TRDN: variants seen among roughly 807,000 people sequenced by gnomAD.
The protein encoded by TRDN is triadin in skeletal muscle.
In TRDN, 161 loss-of-function variants were observed where a neutral mutation model predicts 149.7. The observed-to-expected ratio is 1.08, with a 90% CI of 0.95 to 1.23. TRDN has a LOEUF of 1.23. Ranked by LOEUF, TRDN falls within the 50% of genes most tolerant of loss-of-function variation. The pLI, the probability that TRDN is intolerant of heterozygous loss-of-function variation, is 0.00. For missense variants in TRDN, 896 were observed against 823.5 expected, an observed-to-expected ratio of 1.09 and a Z score of -1.08; for synonymous variants, 294 against 250.5, an observed-to-expected ratio of 1.17 and a Z score of -1.64.
At chr6:123,550,819 G>C (rs1298958549) in intron 2 of TRDN, among the ~76,000 whole-genome samples, 5 of 151,978 alleles carry the variant, frequency 3.3e-5, no homozygotes, top group South Asian at 4.1e-4. Flanking sequence ...ATGATTCATT[G>C]ATAATGTACT....
rs57976353 is a variant in TRDN, at chr6:123,435,542, AACAC to A, written c.1051+2517_1051+2520del. Among the ~76,000 whole-genome samples, 228 of 150,072 alleles carry A rather than the reference AACAC, an allele frequency of 1.5e-3. 1 individual carries two copies. Among genetic ancestry groups the A allele is most frequent in the African/African-American group, 5.4e-3 (222 of 41,004 alleles). On this transcript the variant is annotated intron_variant, in intron 12 of 40. Transcript: ENST00000334268. Reference sequence around the variant, plus strand: ...TCTGACACAGACACACACAAACACAAACACACACACACACACATGCACACACTGT... The same window carrying A: ...TCTGACACAGACACACACAAACACAAACACACACACACATGCACACACTGT...
At chr6:123,297,149 C>T (rs750069355) in intron 24 of TRDN, among the ~76,000 whole-genome samples, 1 of 151,838 alleles carries the variant, frequency 6.6e-6, no homozygotes, top group African/African-American at 2.4e-5. Flanking sequence ...TTCGAGGCAC[C>T]CATTATTTTT....
At chr6:123,531,329 T>C (rs1455489446) in intron 4 of TRDN, among the ~76,000 whole-genome samples, 1 of 152,048 alleles carries the variant, frequency 6.6e-6, no homozygotes, top group Non-Finnish European at 1.5e-5. Flanking sequence ...AAAATGCTAA[T>C]GAGGTTTACT....
chr6:123,556,324 G>A (rs1226787548), intron 2 of TRDN, among the ~76,000 whole-genome samples: 2 of 152,120 alleles, frequency 1.3e-5, no homozygotes, highest in Non-Finnish European at 2.9e-5. Context: ...TCAAAACTAA[G>A]TGTCTGAATA....
chr6:123,488,421 C>T (rs1208662394), intron 9 of TRDN, among the ~76,000 whole-genome samples: 3 of 152,150 alleles, frequency 2.0e-5, no homozygotes, highest in Admixed American at 1.3e-4. Context: ...CCACTTCTCC[C>T]GGCCCTGTCC....
chr6:123,431,460 T>C (rs1774340222), intron 12 of TRDN, among the ~76,000 whole-genome samples: 1 of 152,154 alleles, frequency 6.6e-6, no homozygotes, highest in East Asian at 1.9e-4. Context: ...TTTATCTAGA[T>C]TTCAATGTCT....
chr6:123,234,535 A>G (rs1775718015), intron 38 of TRDN, among the ~76,000 whole-genome samples: 1 of 152,162 alleles, frequency 6.6e-6, no homozygotes, highest in African/African-American at 2.4e-5. Context: ...TGACATAATT[A>G]GTTTTACACA....
In TRDN at chr6:123,278,453, T is replaced by G. The variant is rs908008487; in HGVS notation, c.1538-106A>C. 4 of 744,382 alleles carry G rather than the reference T, an allele frequency of 5.4e-6. No individual in the cohort carries two copies. The African/African-American group carries it at 5.6e-5, about 10-fold the overall frequency. 46.1% of individuals were successfully genotyped at this position (744,382 alleles called of 1,614,324 possible). ...TATAATTATTTTCTATGTTATTCAT[T>G]GGTTTCAATCTCCTATTAACTTCGA... On this transcript the variant is annotated intron_variant, in intron 25 of 40. Coordinates refer to ENST00000334268, the MANE Select transcript of TRDN (RefSeq NM_006073.4).
intron 16 of TRDN, among the ~76,000 whole-genome samples, chr6:123,378,574 C>T (rs188855459): frequency 6.6e-6 from 1 of 152,114 alleles, no homozygotes. Flanking sequence ...ACCTCAGCCT[C>T]TCAAAGTGCT....
At chr6:123,273,200 T>C (rs994531785) in intron 28 of TRDN, 137 bp downstream of exon 28, 2 of 815,372 alleles carry the variant, frequency 2.5e-6, no homozygotes, top group Admixed American at 3.9e-5. Flanking sequence ...ACAAAATTTT[T>C]GAAACTATAG....
intron 5 of TRDN, among the ~76,000 whole-genome samples, chr6:123,524,710 A>G (rs1779860066): frequency 6.6e-6 from 1 of 152,152 alleles, no homozygotes; most frequent in Non-Finnish European, 1.5e-5. Flanking sequence ...AATAGTAGTT[A>G]TTCTGATTTG....
chr6:123,435,406 C>T (rs1371628833), intron 12 of TRDN, among the ~76,000 whole-genome samples: 1 of 151,846 alleles, frequency 6.6e-6, no homozygotes, highest in South Asian at 2.1e-4. Flanking sequence ...GTTTGTAAAC[C>T]ATATTGCTGT....
At chr6:123,260,975 A>G (rs569282312) in intron 33 of TRDN, among the ~76,000 whole-genome samples, 13 of 151,886 alleles carry the variant, frequency 8.6e-5, no homozygotes, top group South Asian at 6.2e-4. Flanking sequence ...TAGTGTGTGC[A>G]TTTTAAAATA....
chr6:123,279,593 G>A (rs1777510560), intron 24 of TRDN, among the ~76,000 whole-genome samples: 1 of 151,710 alleles, frequency 6.6e-6, no homozygotes, highest in East Asian at 1.9e-4. Flanking sequence ...ACTTTTTAAG[G>A]AATATCATCT....
At chr6:123,252,321 C>T in intron 38 of TRDN, 91 bp downstream of exon 38, 1 of 781,892 alleles carries the variant, frequency 1.3e-6, no homozygotes, top group Non-Finnish European at 2.0e-6. Flanking sequence ...CTATACTGAA[C>T]ACTTCAAAAA....
chr6:123,380,233 T>G (rs1417555813), intron 16 of TRDN, among the ~76,000 whole-genome samples: 1 of 152,222 alleles, frequency 6.6e-6, no homozygotes, highest in Non-Finnish European at 1.5e-5. Context: ...ATTTATTAAG[T>G]GCATCAGTGC....
intron 37 of TRDN, among the ~76,000 whole-genome samples, chr6:123,254,504 A>C (rs1776483854): frequency 6.6e-6 from 1 of 152,038 alleles, no homozygotes; most frequent in Non-Finnish European, 1.5e-5. Context: ...ACTTTTTTAA[A>C]GTAATTGAAT....
At chr6:123,278,945 G>C (rs1468851499) in intron 25 of TRDN, 111 bp downstream of exon 25, 1 of 1,027,620 alleles carries the variant, frequency 9.7e-7, no homozygotes, top group Non-Finnish European at 1.4e-6. Flanking sequence ...TTGACTTTAA[G>C]CAAAATATTC....
At chr6:123,417,821 G>A (rs185577031) in intron 12 of TRDN, among the ~76,000 whole-genome samples, 3 of 152,286 alleles carry the variant, frequency 2.0e-5, no homozygotes, top group Admixed American at 1.3e-4. Flanking sequence ...TGTGGACAAA[G>A]AAGAAGTAGC....
Sources: allele counts gnomAD v4.1 joint callset (sites outside exome capture counted in the v4.1 genomes callset), GRCh38; gene constraint gnomAD v4.1.1; transcripts MANE v1.5; gene names NCBI Gene and HGNC (gene_info 2026-07-23, HGNC 2026-07-21).